The following DCUN1D2 variants were observed in gnomAD, a reference collection of about 807,000 sequenced individuals.
The protein encoded by DCUN1D2 is DCN1-like protein 2.
Under a neutral mutation model 30.9 loss-of-function variants are expected in DCUN1D2, and 29 were observed. The observed-to-expected ratio is 0.94, with a 90% CI of 0.70 to 1.28. The LOEUF (loss-of-function observed/expected upper bound fraction) is 1.28, where lower values mean the gene tolerates loss of function less well. Among genes scored for constraint, DCUN1D2 ranks in the 50% most tolerant of loss-of-function variants. DCUN1D2 has a pLI of 0.00. For missense variants in DCUN1D2, 325 were observed against 316.9 expected, an observed-to-expected ratio of 1.03 and a Z score of -0.19; for synonymous variants, 121 against 115.3, an observed-to-expected ratio of 1.05 and a Z score of -0.32.
chr13:113,471,797 G>A (rs972523017), intron 4 of DCUN1D2, among the ~76,000 whole-genome samples: 2 of 152,270 alleles, frequency 1.3e-5, no homozygotes, highest in African/African-American at 4.8e-5. Context: ...TACCCAGCAC[G>A]CAAGGACTCA....
At chr13:113,461,277 C>CG in intron 4 of DCUN1D2, 141 bp from the exon 5 acceptor site, 1 of 593,596 alleles carries the variant, frequency 1.7e-6, no homozygotes, top group Non-Finnish European at 2.9e-6. Flanking sequence ...TTAATCTCTA[C>CG]GGAAGTGCTC....
At chr13:113,460,425 G>A (rs1435867384) in intron 5 of DCUN1D2, among the ~76,000 whole-genome samples, 1 of 152,232 alleles carries the variant, frequency 6.6e-6, no homozygotes, top group East Asian at 1.9e-4. Flanking sequence ...GGGCATCTCT[G>A]CCATTACCGG....
chr13:113,464,817 C>T (rs1595569725), intron 4 of DCUN1D2, among the ~76,000 whole-genome samples: 1 of 152,246 alleles, frequency 6.6e-6, no homozygotes, highest in South Asian at 2.1e-4. Context: ...TTTGAAGCCA[C>T]TGCGTTTTGA....
intron 4 of DCUN1D2, chr13:113,462,827 A>T (rs756980398): frequency 8.2e-7 from 1 of 1,220,498 alleles, no homozygotes; most frequent in Non-Finnish European, 1.0e-6. Flanking sequence ...AAGAACATTA[A>T]TTGAAATCTA....
At chr13:113,485,047 C>T (rs1368347295) in intron 1 of DCUN1D2, among the ~76,000 whole-genome samples, 4 of 151,704 alleles carry the variant, frequency 2.6e-5, no homozygotes, top group Non-Finnish European at 1.5e-5. Context: ...CACTGCACTC[C>T]AGCCTGGGCG....
At position 113,468,414 on chromosome 13, in the gene DCUN1D2, G is replaced by T. The variant is rs531324446; in HGVS notation, c.520+5710C>A. Among the ~76,000 whole-genome samples, 3 of 152,274 alleles carry T rather than the reference G, an allele frequency of 2.0e-5. No homozygotes were observed. In the South Asian group the frequency reaches 6.2e-4, roughly 32 times the overall value. On this transcript the variant is annotated intron_variant, in intron 4 of 6. Transcript: ENST00000478244. ...GGAGCCAGTGTTTGATGGGGACAGC[G>T]TTTCAGTTTGGGAAGATGAGAAAGT...
At position 113,473,020 on chromosome 13, in the gene DCUN1D2, A is replaced by C. The variant is rs1425644137; in HGVS notation, c.520+1104T>G. Among the ~76,000 whole-genome samples the C allele has an allele frequency of 1.5e-4, 14 of 93,344 alleles. No individual in the cohort carries two copies. In the Admixed American group the frequency reaches 2.4e-3, roughly 16 times the overall value. The allele number at this position is 93,344 out of a possible 152,430, so 61.2% of individuals were successfully genotyped here. ...CTGTCCCTCTGTCCCCCATCTCTCT[A>C]TCCCGTGTCTCTGCCCGTGTCCCCC... On this transcript the variant is annotated intron_variant, in intron 4 of 6. Coordinates refer to ENST00000478244, the MANE Select transcript of DCUN1D2 (RefSeq NM_001014283.2).
intron 4 of DCUN1D2, among the ~76,000 whole-genome samples, chr13:113,463,912 T>G (rs541386670): frequency 2.6e-5 from 4 of 152,234 alleles, no homozygotes; most frequent in South Asian, 2.1e-4. Flanking sequence ...TCTGGAACAG[T>G]TGGACACTTG....
upstream of DCUN1D2, chr13:113,490,800 C>T: frequency 1.2e-6 from 1 of 852,736 alleles, no homozygotes; most frequent in Admixed American, 5.1e-5. This position sits in a 1 kb window ranked among gnomAD's most constrained non-coding sequence, Gnocchi z 5.2. Flanking sequence ...CGGGGACTCC[C>T]ACTCCCGGCA....
intron 4 of DCUN1D2, among the ~76,000 whole-genome samples, chr13:113,470,907 C>CCAACTCCACAGAAGACA (rs2044496956): frequency 6.8e-6 from 1 of 146,272 alleles, no homozygotes; most frequent in African/African-American, 2.5e-5. Flanking sequence ...CACAGGGGAC[C>CCAACTCCACAGAAGACA]CAACTCCACA....
At chr13:113,466,801 A>ATTTTTTTT (rs112063279) in intron 4 of DCUN1D2, among the ~76,000 whole-genome samples, 1 of 109,798 alleles carries the variant, frequency 9.1e-6, no homozygotes, top group Non-Finnish European at 1.8e-5. Context: ...TGTCCTTTGG[A>ATTTTTTTT]TTTTTTTTTT....
intron 4 of DCUN1D2, among the ~76,000 whole-genome samples, chr13:113,466,888 G>T (rs906148560): frequency 3.0e-4 from 44 of 146,390 alleles, no homozygotes; most frequent in Admixed American, 2.8e-3. Context: ...CTCACTGCAA[G>T]CTCCACCTCC....
In DCUN1D2 at chr13:113,488,759, G is replaced by C. The variant is rs2044851540; in HGVS notation, c.3+1908C>G. On this transcript the variant is annotated intron_variant, in intron 1 of 6. Transcript: ENST00000478244. This position sits in a 1 kb window ranked among gnomAD's most constrained non-coding sequence, Gnocchi z 4.3. ...CAATCTAATCAAGGTGGATACACTG[G>C]AACTAGGGCCGCCCTTCAAGCTCAC... Among the ~76,000 whole-genome samples the C allele has an allele frequency of 6.6e-6, 1 of 152,140 alleles. No homozygotes were observed. Among genetic ancestry groups the C allele is most frequent in the African/African-American group, 2.4e-5 (1 of 41,434 alleles).
chr13:113,480,819 G>A lies in DCUN1D2; in HGVS notation c.221-76C>T, dbSNP rs115138574. On this transcript the variant is annotated intron_variant, in intron 2 of 6. Coordinates refer to ENST00000478244, the MANE Select transcript of DCUN1D2 (RefSeq NM_001014283.2). Reference sequence around the variant, plus strand: ...TCTAAAATAGGAGGTTTGAATCCTAGCATTCGATTATACTACATAGTTCTA... The same window carrying A: ...TCTAAAATAGGAGGTTTGAATCCTAACATTCGATTATACTACATAGTTCTA... The A allele has an allele frequency of 1.3e-4, 191 of 1,495,622 alleles. 1 individual carries two copies. The African/African-American group carries it at 2.5e-3, about 20-fold the overall frequency. 92.6% of individuals were successfully genotyped at this position (1,495,622 alleles called of 1,614,324 possible).
Position 113,480,584 on chromosome 13 carries a change from G to T in DCUN1D2, c.380C>A (p.Thr127Lys). 1 of 1,614,058 alleles carries T rather than the reference G, an allele frequency of 6.2e-7. No homozygotes were observed. The highest frequency in any genetic ancestry group is 1.1e-5 in the South Asian group (1 of 91,066). Reference protein sequence around the residue: ...FSRKEFLDGMTELGCDSMEKL... With the variant: ...FSRKEFLDGMKELGCDSMEKL... ...AGAATAGTTGACTTACCCAAGTTCT[G>T]TCATGCCATCTAGAAATTCCTTTCT... The change falls in exon 3 of 7, where the codon ACA (threonine) becomes AAA (lysine). Residue 127 changes from threonine (T) to lysine (K), a missense_variant. By Grantham distance (78) the Thr-to-Lys change is moderately conservative. Coordinates refer to ENST00000478244, the MANE Select transcript of DCUN1D2 (RefSeq NM_001014283.2).
chr13:113,457,704 G>A lies in DCUN1D2; in HGVS notation c.*325C>T, dbSNP rs780302481. On this transcript the variant is annotated 3_prime_UTR_variant, in exon 7 of 7. Coordinates refer to ENST00000478244, the MANE Select transcript of DCUN1D2 (RefSeq NM_001014283.2). Reference sequence around the variant, plus strand: ...CTGGTTCGCCTGACGCGCGAGCTACGCAGCATGCTCTGCGGTCCCACAGGC... The same window carrying A: ...CTGGTTCGCCTGACGCGCGAGCTACACAGCATGCTCTGCGGTCCCACAGGC... 11 of 203,946 alleles carry A rather than the reference G, an allele frequency of 5.4e-5. No homozygotes were observed. Among genetic ancestry groups the A allele is most frequent in the Non-Finnish European group, 9.9e-5 (10 of 100,662 alleles). The allele number at this position is 203,946 out of a possible 1,614,324, so 12.6% of individuals were successfully genotyped here. A position where few individuals can be genotyped will look rare whatever the true frequency, so the allele number is the denominator to read the frequency against.
At chr13:113,471,540 C>T (rs2044515824) in intron 4 of DCUN1D2, among the ~76,000 whole-genome samples, 1 of 152,200 alleles carries the variant, frequency 6.6e-6, no homozygotes, top group Admixed American at 6.5e-5. Context: ...ACTGAAAACA[C>T]TCAGCAGCAT....
chr13:113,477,281 T>C (rs1327269842), intron 3 of DCUN1D2, among the ~76,000 whole-genome samples: 1 of 152,260 alleles, frequency 6.6e-6, no homozygotes, highest in Admixed American at 6.5e-5. Context: ...TTTCTCCATT[T>C]ATTCAGGTCT....
In DCUN1D2 at chr13:113,460,199, C is replaced by A. The variant is rs568976239; in HGVS notation, c.604-791G>T. On this transcript the variant is annotated intron_variant, in intron 5 of 6. Transcript: ENST00000478244. The stretch of plus-strand genomic sequence containing the variant: ...CACAGGACTGAGTGACGTCACCTTC[C>A]ACAGACAGCTCCGCCCTCCACCTGC... Among the ~76,000 whole-genome samples, 13 of 152,328 alleles carry A rather than the reference C, an allele frequency of 8.5e-5. No individual in the cohort carries two copies. In the South Asian group the frequency reaches 2.7e-3, roughly 32 times the overall value.
Sources: gnomAD v4.1 joint callset for allele counts (sites outside exome capture counted in the v4.1 genomes callset) on GRCh38, gnomAD v4.1.1 for gene constraint, Gnocchi (gnomAD v3.1) non-coding constraint, MANE v1.5 for transcripts, NCBI Gene and HGNC (gene_info 2026-07-23, HGNC 2026-07-21) for gene names.